Variants in GALK2 observed in about 807,000 individuals in gnomAD.
GALK2 encodes the protein N-acetylgalactosamine kinase.
Under a neutral mutation model 52.4 loss-of-function variants are expected in GALK2, and 36 were observed. The observed-to-expected ratio is 0.69, with a 90% CI of 0.53 to 0.91. The LOEUF is 0.91. Among genes scored for constraint, GALK2 ranks in the 40% least tolerant of loss-of-function variants. GALK2 has a pLI of 0.00. For missense variants in GALK2, 579 were observed against 559.1 expected (o/e 1.04, Z -0.36); for synonymous variants, 176 against 199.1 (o/e 0.88, Z 0.98).
At chr15:49,193,268 G>C (rs1449864176) in intron 1 of GALK2, among the ~76,000 whole-genome samples, 1 of 151,984 alleles carries the variant, frequency 6.6e-6, no homozygotes, top group Admixed American at 6.5e-5. Context: ...AAAGTGCTGG[G>C]ATTACAGGCG....
chr15:49,351,228 A>G (rs1437039697), intron 3 of GALK2, among the ~76,000 whole-genome samples: 1 of 152,190 alleles, frequency 6.6e-6, no homozygotes, highest in Non-Finnish European at 1.5e-5. Context: ...CAAATAAAAT[A>G]TTTTCAGTTT....
At position 49,155,823 on chromosome 15, in the gene GALK2, G is replaced by C. The variant is rs1214820155; in HGVS notation, c.-174G>C. Reference sequence around the variant, plus strand: ...AAAGCTGGCAACTGGGACATCGTCCGGTGCTGCAGGTCTCAGCCGAAGGGC... The same window carrying C: ...AAAGCTGGCAACTGGGACATCGTCCCGTGCTGCAGGTCTCAGCCGAAGGGC... On this transcript the variant is annotated 5_prime_UTR_variant, in exon 1 of 10. Transcript: ENST00000327171. 9.5e-6 allele frequency: 7 copies of C among 734,408 alleles called. 1 individual carries two copies. The highest frequency in any genetic ancestry group is 2.8e-4 in the Middle Eastern group (1 of 3,636). The allele number at this position is 734,408 out of a possible 1,614,324, so 45.5% of individuals were successfully genotyped here. A position where few individuals can be genotyped will look rare whatever the true frequency, so the allele number is the denominator to read the frequency against.
intron 5 of GALK2, among the ~76,000 whole-genome samples, chr15:49,257,144 C>G (rs2091846936): frequency 6.6e-6 from 1 of 152,092 alleles, no homozygotes; most frequent in Non-Finnish European, 1.5e-5. Context: ...TGGCTGGTGA[C>G]TGTCATTATT....
chr15:49,324,137 T>C (rs560242221), intron 9 of GALK2, among the ~76,000 whole-genome samples: 1 of 152,168 alleles, frequency 6.6e-6, no homozygotes, highest in Non-Finnish European at 1.5e-5. Context: ...TTGACACTTG[T>C]TGAAGTTAGA....
At chr15:49,362,094 T>C (rs865814254) in intron 3 of GALK2, among the ~76,000 whole-genome samples, 1 of 152,162 alleles carries the variant, frequency 6.6e-6, no homozygotes, top group Non-Finnish European at 1.5e-5. Flanking sequence ...AATGGGTTTG[T>C]TTGCTGTGTG....
At chr15:49,224,728 T>C (rs2090030145) in intron 3 of GALK2, among the ~76,000 whole-genome samples, 1 of 152,232 alleles carries the variant, frequency 6.6e-6, no homozygotes, top group South Asian at 2.1e-4. Flanking sequence ...CTGTTTTGGT[T>C]ACTATAGCCT....
chr15:49,361,385 C>T (rs577518864), intron 3 of GALK2, among the ~76,000 whole-genome samples: 9 of 152,058 alleles, frequency 5.9e-5, no homozygotes, highest in Non-Finnish European at 1.2e-4. Flanking sequence ...TTTTTTGATC[C>T]TCACCCTCCT....
intron 8 of GALK2, among the ~76,000 whole-genome samples, chr15:49,309,280 C>T (rs1416872897): frequency 6.6e-6 from 1 of 152,178 alleles, no homozygotes; most frequent in African/African-American, 2.4e-5. Context: ...GTGAGCTTCT[C>T]AATATCTTCA....
intron 1 of GALK2, among the ~76,000 whole-genome samples, chr15:49,176,255 A>G (rs1012621765): frequency 1.3e-5 from 2 of 152,224 alleles, no homozygotes; most frequent in African/African-American, 4.8e-5. Context: ...TGTTCCTGTA[A>G]TCTGTGATAC....
intron 4 of GALK2, among the ~76,000 whole-genome samples, chr15:49,237,243 A>G (rs748537426): frequency 1.3e-5 from 2 of 152,200 alleles, no homozygotes; most frequent in Non-Finnish European, 2.9e-5. Context: ...AAACTTATAC[A>G]ATGAACTTTT....
At chr15:49,366,503 GA>G in intron 3 of GALK2, 1 of 1,284,366 alleles carries the variant, frequency 7.8e-7, no homozygotes, top group East Asian at 2.3e-5. Flanking sequence ...CAAACTAATG[GA>G]AGTTGCATTT....
intron 7 of GALK2, among the ~76,000 whole-genome samples, chr15:49,287,902 T>C (rs1404085058): frequency 6.6e-6 from 1 of 152,210 alleles, no homozygotes; most frequent in Non-Finnish European, 1.5e-5. Context: ...GCATTAATGC[T>C]AGCAATTTCT....
At chr15:49,183,581 C>T (rs906689929) in intron 1 of GALK2, among the ~76,000 whole-genome samples, 4 of 152,012 alleles carry the variant, frequency 2.6e-5, no homozygotes, top group South Asian at 2.1e-4. Flanking sequence ...TGGTGGCTCA[C>T]GCCTGTAATC....
chr15:49,296,842 A>G (rs1301729692), intron 8 of GALK2, among the ~76,000 whole-genome samples: 1 of 151,712 alleles, frequency 6.6e-6, no homozygotes, highest in Non-Finnish European at 1.5e-5. Context: ...CTCGTGATTC[A>G]CCCGCCTTGG....
chr15:49,203,943 C>T (rs148730239), intron 2 of GALK2, among the ~76,000 whole-genome samples: 2,891 of 152,064 alleles, frequency 0.019, 47 homozygotes, highest in Middle Eastern at 0.031. Context: ...CATGAAACCT[C>T]GTCTCTGCTA....
chr15:49,309,015 T>A (rs1301026719), intron 8 of GALK2, among the ~76,000 whole-genome samples: 1 of 152,212 alleles, frequency 6.6e-6, no homozygotes, highest in Non-Finnish European at 1.5e-5. Context: ...CTCTTTTGAG[T>A]CACTTGACAT....
chr15:49,252,138 G>A lies in GALK2; in HGVS notation c.504+12771G>A, dbSNP rs574621990. 1.1e-4 allele frequency among the ~76,000 whole-genome samples: 16 copies of A among 152,224 alleles called. 1 individual carries two copies. Among genetic ancestry groups the A allele is most frequent in the African/African-American group, 3.4e-4 (14 of 41,554 alleles). ...AAAAATTAGCTGGGTATGATGGTGA[G>A]CACCTGTAATCCCAGCTATCAGGAG... On this transcript the variant is annotated intron_variant, in intron 5 of 9. Coordinates refer to ENST00000560031, the MANE Select transcript of GALK2 (RefSeq NM_002044.4).
At chr15:49,300,245 A>G (rs1378797474) in intron 8 of GALK2, among the ~76,000 whole-genome samples, 1 of 152,022 alleles carries the variant, frequency 6.6e-6, no homozygotes, top group Non-Finnish European at 1.5e-5. Flanking sequence ...TTTGTCTGAA[A>G]TAAGAATAGC....
intron 3 of GALK2, chr15:49,354,056 T>A (rs1170959750): frequency 6.6e-6 from 1 of 152,220 alleles, no homozygotes; most frequent in East Asian, 1.9e-4. Flanking sequence ...GAGTTCTTTT[T>A]TTCACTGTTG....
Sources: allele counts gnomAD v4.1 joint callset (sites outside exome capture counted in the v4.1 genomes callset), GRCh38; gene constraint gnomAD v4.1.1; transcripts MANE v1.5; gene names NCBI Gene and HGNC (gene_info 2026-07-23, HGNC 2026-07-21).